Variants in NCALD observed in about 807,000 individuals in gnomAD.
The protein encoded by NCALD is neurocalcin delta.
Under a neutral mutation model 18.6 loss-of-function variants are expected in NCALD, and 10 were observed. The ratio of observed to expected loss-of-function variants is 0.54; its 90% CI spans 0.33 to 0.91. The LOEUF is 0.91. NCALD is among the 40% of genes least tolerant of loss of function. The probability of loss-of-function intolerance (pLI) is 0.03; values close to 1 mark genes in which losing one functional copy is unlikely to be tolerated. For synonymous variants in NCALD, 88 were observed against 87.4 expected, an observed-to-expected ratio of 1.01 and a Z score of -0.04; for missense variants, 184 against 247.6, an observed-to-expected ratio of 0.74 and a Z score of 1.72.
At chr8:101,782,898 CA>C (rs1812075541) in intron 1 of NCALD, among the ~76,000 whole-genome samples, 2 of 152,222 alleles carry the variant, frequency 1.3e-5, no homozygotes, top group African/African-American at 2.4e-5. Context: ...CTCTGGCCCT[CA>C]AATGCAGATG....
chr8:102,047,260 C>G (rs1823278243), intron 1 of NCALD, among the ~76,000 whole-genome samples: 1 of 152,096 alleles, frequency 6.6e-6, no homozygotes, highest in African/African-American at 2.4e-5. Flanking sequence ...GCAGCACTAG[C>G]CATAATAGCA....
At chr8:101,876,875 G>A (rs1816249664) in intron 4 of NCALD, among the ~76,000 whole-genome samples, 3 of 152,154 alleles carry the variant, frequency 2.0e-5, no homozygotes, top group Admixed American at 1.3e-4. Context: ...GAGACGTTTT[G>A]CTTTCTTTGA....
chr8:101,886,823 G>C (rs1362306910), intron 4 of NCALD, among the ~76,000 whole-genome samples: 1 of 152,094 alleles, frequency 6.6e-6, no homozygotes, highest in East Asian at 1.9e-4. Flanking sequence ...CAACAAGCCA[G>C]GTTTTTACTC....
intron 4 of NCALD, chr8:101,872,322 C>T (rs1816053811): frequency 1.4e-6 from 2 of 1,424,724 alleles, no homozygotes; most frequent in East Asian, 2.3e-5. Flanking sequence ...CGAGTCTCTG[C>T]CATCTGTACA....
At chr8:101,867,048 G>A (rs1815799496) in intron 4 of NCALD, among the ~76,000 whole-genome samples, 1 of 151,902 alleles carries the variant, frequency 6.6e-6, no homozygotes, top group Non-Finnish European at 1.5e-5. Context: ...AGCCACTCTG[G>A]CCTTCCACCG....
At chr8:102,023,949 A>G (rs1029621200) in intron 1 of NCALD, among the ~76,000 whole-genome samples, 2 of 152,210 alleles carry the variant, frequency 1.3e-5, no homozygotes, top group African/African-American at 2.4e-5. Context: ...CTGTGACATT[A>G]CACAGAACTC....
chr8:101,800,318 T>C (rs915312321), intron 4 of NCALD, among the ~76,000 whole-genome samples: 3 of 152,134 alleles, frequency 2.0e-5, no homozygotes, highest in Non-Finnish European at 4.4e-5. Flanking sequence ...TAAGTACAAA[T>C]AGTCCCTTAT....
chr8:101,833,596 GT>G (rs1196138684), intron 4 of NCALD, among the ~76,000 whole-genome samples: 9 of 100,084 alleles, frequency 9.0e-5, no homozygotes, highest in African/African-American at 3.5e-4. Context: ...TGAAATTACT[GT>G]TTTTTGTTTC....
intron 4 of NCALD, among the ~76,000 whole-genome samples, chr8:101,820,785 C>A (rs181751306): frequency 9.2e-5 from 14 of 152,268 alleles, no homozygotes; most frequent in Middle Eastern, 3.4e-3. Flanking sequence ...GTCCCTTGAC[C>A]CTTAACTTCT....
intron 1 of NCALD, among the ~76,000 whole-genome samples, chr8:102,122,638 T>G (rs1825976761): frequency 2.0e-5 from 3 of 152,202 alleles, no homozygotes; most frequent in Admixed American, 2.0e-4. Context: ...GGGTATTAAC[T>G]CATTTTATCT....
At chr8:102,057,810 A>G (rs1039367441) in intron 1 of NCALD, among the ~76,000 whole-genome samples, 28 of 152,338 alleles carry the variant, frequency 1.8e-4, no homozygotes, top group African/African-American at 6.7e-4. Flanking sequence ...AAATTTTTGA[A>G]TAATAATAAA....
At chr8:101,860,842 A>C (rs1464877595) in intron 4 of NCALD, among the ~76,000 whole-genome samples, 1 of 152,134 alleles carries the variant, frequency 6.6e-6, no homozygotes, top group Non-Finnish European at 1.5e-5. Context: ...GTATATGCAG[A>C]CTGTTTAGAA....
At chr8:101,995,877 C>T (rs1015453820) in intron 2 of NCALD, among the ~76,000 whole-genome samples, 2 of 152,170 alleles carry the variant, frequency 1.3e-5, no homozygotes, top group East Asian at 1.9e-4. Context: ...TTATGAATTC[C>T]GAGCAATCTC....
intron 4 of NCALD, among the ~76,000 whole-genome samples, chr8:101,861,105 T>C (rs486196): frequency 0.28 from 42,210 of 152,056 alleles, 6,242 homozygotes; most frequent in East Asian, 0.39. Flanking sequence ...CCTGCCTACA[T>C]ATTGATTTCA....
chr8:101,997,665 G>A (rs907270611), intron 2 of NCALD, among the ~76,000 whole-genome samples: 8 of 152,154 alleles, frequency 5.3e-5, no homozygotes, highest in African/African-American at 7.2e-5. Context: ...TTTTCAGGTC[G>A]CTCCACTGAA....
intron 1 of NCALD, among the ~76,000 whole-genome samples, chr8:102,108,270 A>G (rs990643948): frequency 6.6e-6 from 1 of 152,180 alleles, no homozygotes; most frequent in Admixed American, 6.5e-5. Flanking sequence ...CCAAGGGGGG[A>G]AAAATACTCT....
intron 4 of NCALD, among the ~76,000 whole-genome samples, chr8:101,818,044 G>A (rs1813570171): frequency 6.6e-6 from 1 of 152,178 alleles, no homozygotes. Flanking sequence ...CTGCTCGAGA[G>A]ATGAGGCCCT....
intron 1 of NCALD, among the ~76,000 whole-genome samples, chr8:101,760,602 C>G (rs1198127975): frequency 6.6e-6 from 1 of 152,192 alleles, no homozygotes; most frequent in Non-Finnish European, 1.5e-5. Flanking sequence ...TCGTGAAATT[C>G]CAGAACCACA....
At chr8:102,042,424 C>T (rs1018829782) in intron 1 of NCALD, among the ~76,000 whole-genome samples, 4 of 151,876 alleles carry the variant, frequency 2.6e-5, no homozygotes, top group African/African-American at 9.7e-5. Flanking sequence ...ACATGGGGCT[C>T]CTACAGTTTG....
Sources: gnomAD v4.1 joint callset for allele counts (sites outside exome capture counted in the v4.1 genomes callset) on GRCh38, gnomAD v4.1.1 for gene constraint, MANE v1.5 for transcripts, NCBI Gene and HGNC (gene_info 2026-07-23, HGNC 2026-07-21) for gene names.